The following LSP1 variants were observed in gnomAD, a reference collection of about 807,000 sequenced individuals.
The protein encoded by LSP1 is lymphocyte specific protein 1.
A neutral mutation model predicts 49.3 loss-of-function variants in LSP1; 32 were observed. That is an observed-to-expected ratio of 0.65 (90% confidence interval 0.49 to 0.87). The LOEUF (loss-of-function observed/expected upper bound fraction) is 0.87. Ranked by LOEUF, LSP1 falls within the 40% of genes least tolerant of loss-of-function variation. The pLI is 0.00. For missense variants in LSP1, 428 were observed against 442.6 expected (o/e 0.97, Z 0.30); for synonymous variants, 179 against 178.8 (o/e 1.00, Z -0.01).
Position 1,880,162 on chromosome 11 carries a change from G to A in LSP1, c.129G>A (p.Gln43=), listed in dbSNP as rs751920485. 25 of 1,606,846 alleles carry A rather than the reference G, an allele frequency of 1.6e-5. No individual in the cohort carries two copies. Among genetic ancestry groups the A allele is most frequent in the Middle Eastern group, 1.7e-4 (1 of 6,040 alleles). ...HEQCQHERDR[Q]LQAQDEEGGG... is the part of the protein sequence containing the mutation. ...AATGCCAGCATGAGAGAGACAGGCA[G>A]CTTCAGGCCCAGGACGAGGAGGGAG... Residue 43 remains glutamine, a synonymous_variant, in exon 2 of 11, where the codon CAG becomes CAA. Coordinates refer to ENST00000311604, the MANE Select transcript of LSP1 (RefSeq NM_002339.3).
intron 1 of LSP1, chr11:1,871,536 G>A (rs1324301993): frequency 2.1e-6 from 2 of 932,542 alleles, no homozygotes; most frequent in African/African-American, 3.6e-5. Flanking sequence ...CAGGGGTAGA[G>A]GGGTTGGGGG....
chr11:1,871,099 C>T (rs1315124482), intron 1 of LSP1: 46 of 985,450 alleles, frequency 4.7e-5, no homozygotes, highest in Admixed American at 6.1e-5. Flanking sequence ...GCGAGGGCCC[C>T]AGAAAGGTCC....
At chr11:1,855,148 G>A (rs946874903) in intron 1 of LSP1, among the ~76,000 whole-genome samples, 2 of 152,182 alleles carry the variant, frequency 1.3e-5, no homozygotes, top group Non-Finnish European at 2.9e-5. Context: ...AGCCAAGCCT[G>A]ACCTTTCAGA....
At chr11:1,882,953 C>T (rs1337482021) in intron 3 of LSP1, among the ~76,000 whole-genome samples, 2 of 152,234 alleles carry the variant, frequency 1.3e-5, no homozygotes, top group Non-Finnish European at 2.9e-5. Flanking sequence ...CTGGCCCCTA[C>T]CCCTGCCTAG....
chr11:1,868,555 C>T, intron 1 of LSP1: 1 of 708,494 alleles, frequency 1.4e-6, no homozygotes, highest in Non-Finnish European at 1.7e-6. Flanking sequence ...GCCTGCTGGG[C>T]TGGCCCTGAG....
intron 1 of LSP1, among the ~76,000 whole-genome samples, chr11:1,864,796 GC>G (rs1847733170): frequency 6.6e-6 from 1 of 151,884 alleles, no homozygotes; most frequent in Non-Finnish European, 1.5e-5. Context: ...CGTGCCAGGA[GC>G]CGAAGGGAGG....
intron 1 of LSP1, among the ~76,000 whole-genome samples, chr11:1,872,268 G>T (rs1848061173): frequency 7.3e-6 from 1 of 137,504 alleles, no homozygotes; most frequent in African/African-American, 2.8e-5. Context: ...GTAGAGTTGG[G>T]GTCTGTCCGG....
intron 1 of LSP1, among the ~76,000 whole-genome samples, chr11:1,876,948 GCC>G (rs1384697735): frequency 6.6e-6 from 1 of 152,120 alleles, no homozygotes; most frequent in South Asian, 2.1e-4. Context: ...GGTGGATGGA[GCC>G]CCCCCACCGC....
At position 1,886,993 on chromosome 11, in the gene LSP1, G is replaced by A. The variant is rs182139786; in HGVS notation, c.852+127G>A. On this transcript the variant is annotated intron_variant, in intron 8 of 10. Coordinates refer to ENST00000311604, the MANE Select transcript of LSP1 (RefSeq NM_002339.3). ...GATGAATGTGGGTATACAGAACCCTGAGGTATTGCAGTAGGGTTGGGTTCA... is the reference window on the plus strand; with the variant it reads ...GATGAATGTGGGTATACAGAACCCTAAGGTATTGCAGTAGGGTTGGGTTCA... 5.5e-5 allele frequency: 68 copies of A among 1,237,340 alleles called. No individual in the cohort carries two copies. In the African/African-American group the frequency reaches 8.6e-4, roughly 16 times the overall value. 76.6% of individuals were successfully genotyped at this position (1,237,340 alleles called of 1,614,324 possible). A position where few individuals can be genotyped will look rare whatever the true frequency, so the allele number is the denominator to read the frequency against.
Position 1,879,062 on chromosome 11 carries a change from C to G in LSP1, c.54-1025C>G, listed in dbSNP as rs537277614. On this transcript the variant is annotated intron_variant, in intron 1 of 10. Coordinates refer to ENST00000311604, the MANE Select transcript of LSP1 (RefSeq NM_002339.3). Reference sequence around the variant, plus strand: ...TTCCCCATTTTTGAAATGGCTCAATCGGCTGGGTGCGGTGGCTCATCCCTG... The same window carrying G: ...TTCCCCATTTTTGAAATGGCTCAATGGGCTGGGTGCGGTGGCTCATCCCTG... 1.3e-4 allele frequency among the ~76,000 whole-genome samples: 20 copies of G among 152,206 alleles called. No individual in the cohort carries two copies. The South Asian group carries it at 3.9e-3, about 30-fold the overall frequency.
intron 10 of LSP1, chr11:1,890,818 C>A: frequency 1.7e-6 from 1 of 574,128 alleles, no homozygotes; most frequent in Admixed American, 3.0e-5. Context: ...GCCACAGAGG[C>A]CGAGTCCCTC....
At chr11:1,866,827 G>A (rs1847807164) in intron 1 of LSP1, 1 of 1,549,722 alleles carries the variant, frequency 6.5e-7, no homozygotes, top group African/African-American at 1.4e-5. Context: ...GCCCCTGCCT[G>A]GCTGTGCGGT....
intron 1 of LSP1, among the ~76,000 whole-genome samples, chr11:1,856,273 A>G (rs917157501): frequency 1.3e-5 from 2 of 152,196 alleles, no homozygotes; most frequent in Non-Finnish European, 2.9e-5. Flanking sequence ...TTCACCAGCT[A>G]CAGGCAAACT....
chr11:1,868,865 A>G, intron 1 of LSP1: 6 of 985,834 alleles, frequency 6.1e-6, no homozygotes, highest in Non-Finnish European at 6.0e-6. Flanking sequence ...AGCGGCAGCC[A>G]GGGTGCCCTG....
chr11:1,887,191 A>T, intron 8 of LSP1, 46 bp from the exon 9 acceptor site: 1 of 1,392,610 alleles, frequency 7.2e-7, no homozygotes, highest in Non-Finnish European at 9.9e-7. Flanking sequence ...CTACTCCCCA[A>T]GATCCAGGGG....
rs74047626 is a variant in LSP1 at position 1,870,718 on chromosome 11, G to A, written c.54-9369G>A. On this transcript the variant is annotated intron_variant, in intron 1 of 10. Coordinates refer to ENST00000311604, the MANE Select transcript of LSP1 (RefSeq NM_002339.3). ...CTCTGGTTGCGTGGAGGATGGGAGC[G>A]CTTCGGGCAGCATCTGTGGGCAGAG... is the stretch of plus-strand genomic sequence containing the variant. The A allele has an allele frequency of 0.012, 11,628 of 1,011,112 alleles. 891 individuals are homozygous for A. The African/African-American group carries it at 0.17, about 15-fold the overall frequency. 62.6% of individuals were successfully genotyped at this position (1,011,112 alleles called of 1,614,324 possible).
At chr11:1,871,197 G>C (rs542105460) in intron 1 of LSP1, 204 of 985,914 alleles carry the variant, frequency 2.1e-4, no homozygotes, top group Non-Finnish European at 2.4e-4. Context: ...ACAGCACGCA[G>C]AACAGGAGGA....
Position 1,857,640 on chromosome 11 carries a change from G to A in LSP1, c.53+4443G>A, listed in dbSNP as rs1033833137. 1.6e-4 allele frequency among the ~76,000 whole-genome samples: 24 copies of A among 152,208 alleles called. 1 individual carries two copies. Among genetic ancestry groups the A allele is most frequent in the Admixed American group, 1.3e-3 (20 of 15,290 alleles). On this transcript the variant is annotated intron_variant, in intron 1 of 10. Coordinates refer to ENST00000311604, the MANE Select transcript of LSP1 (RefSeq NM_002339.3). ...CTTGCTTCGGCTGCTATAGGCCCTC[G>A]GAGTGCTTTCTGGATGAGTAAGCCG...
At chr11:1,874,980 C>T (rs1186954497) in intron 1 of LSP1, among the ~76,000 whole-genome samples, 1 of 152,196 alleles carries the variant, frequency 6.6e-6, no homozygotes, top group Non-Finnish European at 1.5e-5. Context: ...CAGCTGCCCC[C>T]CACAGCGGGC....
Sources: allele counts gnomAD v4.1 joint callset (sites outside exome capture counted in the v4.1 genomes callset), GRCh38; gene constraint gnomAD v4.1.1; transcripts MANE v1.5; gene names NCBI Gene and HGNC (gene_info 2026-07-23, HGNC 2026-07-21).